The following EPS8L2 variants were observed in gnomAD, a reference collection of about 807,000 sequenced individuals.
EPS8L2 encodes the protein epidermal growth factor receptor kinase substrate 8-like protein 2.
A neutral mutation model predicts 99.4 loss-of-function variants in EPS8L2; 81 were observed. The observed-to-expected ratio is 0.82, with a 90% CI of 0.68 to 0.98. The LOEUF (loss-of-function observed/expected upper bound fraction) is 0.98. EPS8L2 is among the 50% of genes least tolerant of loss of function. The pLI, the probability that EPS8L2 is intolerant of heterozygous loss-of-function variation, is 0.00. For missense variants in EPS8L2, 1,155 were observed against 968.8 expected (o/e 1.19, Z -2.55); for synonymous variants, 509 against 407.3 (o/e 1.25, Z -3.01).
At chr11:707,011 G>T (rs1295734278) in intron 1 of EPS8L2, among the ~76,000 whole-genome samples, 1 of 151,974 alleles carries the variant, frequency 6.6e-6, no homozygotes, top group African/African-American at 2.4e-5. Context: ...GGCAGGGGAG[G>T]GGGAGGCAGG....
chr11:711,595 C>A lies in EPS8L2; in HGVS notation c.165+1109C>A, dbSNP rs1160198508. ...ACTCCTAGGCTCAAGCAATCCTCCC[C>A]CCTCCTAGCCAGGCCTGGTAGTGTG... On this transcript the variant is annotated intron_variant, in intron 4 of 20. Coordinates refer to ENST00000318562, the MANE Select transcript of EPS8L2 (RefSeq NM_022772.4). 2.0e-5 allele frequency among the ~76,000 whole-genome samples: 3 copies of A among 152,164 alleles called. No individual in the cohort carries two copies. The East Asian group carries it at 5.8e-4, about 29-fold the overall frequency.
rs1861951615 is a variant in EPS8L2, at chr11:713,964, C to G, written c.165+3478C>G. Among the ~76,000 whole-genome samples, 3 of 152,232 alleles carry G rather than the reference C, an allele frequency of 2.0e-5. 1 individual carries two copies. The highest frequency in any genetic ancestry group is 2.0e-4 in the Admixed American group (3 of 15,280). On this transcript the variant is annotated intron_variant, in intron 4 of 20. Transcript: ENST00000318562. Reference sequence around the variant, plus strand: ...TGTTGGCCAGGCTGGTCCCCAGTGCCTGACCTCAGGTGATCCACCTGCCTC... The same window carrying G: ...TGTTGGCCAGGCTGGTCCCCAGTGCGTGACCTCAGGTGATCCACCTGCCTC...
At chr11:714,323 G>C (rs936830414) in intron 4 of EPS8L2, among the ~76,000 whole-genome samples, 7 of 151,046 alleles carry the variant, frequency 4.6e-5, no homozygotes, top group Non-Finnish European at 1.0e-4. Context: ...TCCACCTCTT[G>C]GGTTCAAGCA....
At position 724,572 on chromosome 11, in the gene EPS8L2, G is replaced by C. The variant is rs1171336569; in HGVS notation, c.1455-152G>C. ...GCTGTCACAGTTTCCATTCCGGGCTGACGCTGCCTGCAGCCTCTCTCCACG... is the reference window on the plus strand; with the variant it reads ...GCTGTCACAGTTTCCATTCCGGGCTCACGCTGCCTGCAGCCTCTCTCCACG... On this transcript the variant is annotated intron_variant, in intron 15 of 20. Transcript: ENST00000318562. The surrounding 1 kb of genome is among the most constrained non-coding windows in gnomAD (Gnocchi z 5.5). 4 of 622,442 alleles carry C rather than the reference G, an allele frequency of 6.4e-6. No homozygotes were observed. In the African/African-American group the frequency reaches 7.3e-5, roughly 11 times the overall value. The allele number at this position is 622,442 out of a possible 1,614,324, so 38.6% of individuals were successfully genotyped here.
intron 4 of EPS8L2, among the ~76,000 whole-genome samples, chr11:715,047 T>G (rs113320006): frequency 0.03 from 4,620 of 152,072 alleles, 93 homozygotes; most frequent in Middle Eastern, 0.085. Context: ...TCAAGACCAT[T>G]CTGGCTAACA....
At chr11:722,633 T>C (rs1404951826) in intron 13 of EPS8L2, 40 bp from the exon 14 acceptor site, 1 of 1,608,964 alleles carries the variant, frequency 6.2e-7, no homozygotes, top group East Asian at 2.2e-5. Context: ...GTGGGCCAGT[T>C]CTGGAGAGGC....
rs1287506456 is a variant in EPS8L2, at chr11:722,816, C to A, written c.1341+11C>A. 6.5e-7 allele frequency: 1 copy of A among 1,532,004 alleles called. No individual in the cohort carries two copies. The highest frequency in any genetic ancestry group is 1.9e-5 in the Admixed American group (1 of 51,648). 94.9% of individuals were successfully genotyped at this position (1,532,004 alleles called of 1,614,324 possible). On this transcript the variant is annotated intron_variant, in intron 14 of 20. Coordinates refer to ENST00000318562, the MANE Select transcript of EPS8L2 (RefSeq NM_022772.4). The stretch of plus-strand genomic sequence containing the variant: ...GCCCCCATCGAGGAGGTGAGAGCAC[C>A]AGCAGCCCCCATCCCTACCCCAGCC...
At chr11:713,547 A>T (rs1861941492) in intron 4 of EPS8L2, among the ~76,000 whole-genome samples, 1 of 151,752 alleles carries the variant, frequency 6.6e-6, no homozygotes, top group Non-Finnish European at 1.5e-5. Flanking sequence ...ACGCCTGGCT[A>T]AATTTTTTTT....
At chr11:718,481 ATT>A (rs748666010) in intron 4 of EPS8L2, among the ~76,000 whole-genome samples, 25 of 141,012 alleles carry the variant, frequency 1.8e-4, no homozygotes, top group South Asian at 2.3e-4. Flanking sequence ...TGCTTTTTTA[ATT>A]TTTTTTTTTT....
chr11:725,718 CG>C lies in EPS8L2; in HGVS notation c.1561-9del. 7.6e-7 allele frequency: 1 copy of C among 1,315,344 alleles called. No homozygotes were observed. Among genetic ancestry groups the C allele is most frequent in the Non-Finnish European group, 9.7e-7 (1 of 1,034,298 alleles). 81.5% of individuals were successfully genotyped at this position (1,315,344 alleles called of 1,614,324 possible). A position where few individuals can be genotyped will look rare whatever the true frequency, so the allele number is the denominator to read the frequency against. The stretch of plus-strand genomic sequence containing the variant: ...TGGGTGTGGGGAGGGGCTGACGGCG[CG>C]CCCCGCAGGTGCTGGAGGACGGCCG... On this transcript the variant is annotated splice_polypyrimidine_tract_variant and intron_variant, in intron 16 of 20. Coordinates refer to ENST00000318562, the MANE Select transcript of EPS8L2 (RefSeq NM_022772.4).
chr11:717,783 G>A (rs530990493), intron 4 of EPS8L2, among the ~76,000 whole-genome samples: 1 of 152,150 alleles, frequency 6.6e-6, no homozygotes, highest in African/African-American at 2.4e-5. Context: ...GCCGAGGCGG[G>A]CAGATCACAA....
Position 721,221 on chromosome 11 carries a change from T to C in EPS8L2, c.700+15T>C. On this transcript the variant is annotated intron_variant, in intron 8 of 20. Coordinates refer to ENST00000318562, the MANE Select transcript of EPS8L2 (RefSeq NM_022772.4). ...CAGCGAGCCAGGTGGGCCGAGGGGC[T>C]GGAGGGGGCTCCACAGGGCTCGTTG... 1 of 1,533,248 alleles carries C rather than the reference T, an allele frequency of 6.5e-7. No individual in the cohort carries two copies. Among genetic ancestry groups the C allele is most frequent in the Middle Eastern group, 1.8e-4 (1 of 5,514 alleles). 95.0% of individuals were successfully genotyped at this position (1,533,248 alleles called of 1,614,324 possible).
At chr11:714,154 T>A (rs565554203) in intron 4 of EPS8L2, among the ~76,000 whole-genome samples, 9 of 152,350 alleles carry the variant, frequency 5.9e-5, no homozygotes, top group Admixed American at 5.2e-4. Context: ...TTTCTGGAGA[T>A]TTCTTCCGTG....
chr11:726,126 G>T lies in EPS8L2; in HGVS notation c.1709G>T (p.Ser570Ile). 1 of 1,608,378 alleles carries T rather than the reference G, an allele frequency of 6.2e-7. No homozygotes were observed. Among genetic ancestry groups the T allele is most frequent in the Non-Finnish European group, 8.5e-7 (1 of 1,177,830 alleles). Residue 570 changes from serine to isoleucine, a missense_variant, in exon 18 of 21, where the codon AGC (serine) becomes ATC (isoleucine). Transcript: ENST00000318562. ...GGTCAGAAGTACTGGGGCCCCGCCAGCCCGACCCACAAGCTACCCCCAAGC... is the reference window on the plus strand; with the variant it reads ...GGTCAGAAGTACTGGGGCCCCGCCATCCCGACCCACAAGCTACCCCCAAGC... Reference protein sequence around the residue: ...QAGQKYWGPASPTHKLPPSFP... With the variant: ...QAGQKYWGPAIPTHKLPPSFP...
chr11:715,058 T>G (rs143261221), intron 4 of EPS8L2, among the ~76,000 whole-genome samples: 1 of 152,000 alleles, frequency 6.6e-6, no homozygotes, highest in South Asian at 2.1e-4. Flanking sequence ...CTGGCTAACA[T>G]GGTGAAACCC....
In EPS8L2 at chr11:709,602, C is replaced by A; in HGVS notation, c.94C>A (p.Leu32Met). 6.2e-7 allele frequency: 1 copy of A among 1,613,104 alleles called. No individual in the cohort carries two copies. Among genetic ancestry groups the A allele is most frequent in the South Asian group, 1.1e-5 (1 of 91,060 alleles). ...TGTGGCCAAGATGAGCCCCAAGGACCTGTTTGGTGAGTGAGGTTTGAGAAC... is the reference window on the plus strand; with the variant it reads ...TGTGGCCAAGATGAGCCCCAAGGACATGTTTGGTGAGTGAGGTTTGAGAAC... Reference protein sequence around the residue: ...DGVAKMSPKDLFEQRKKYSNS... With the variant: ...DGVAKMSPKDMFEQRKKYSNS... Residue 32 changes from leucine to methionine, a missense_variant, in exon 3 of 21, where the codon CTG (leucine) becomes ATG (methionine). Transcript: ENST00000318562.
At chr11:717,989 G>A (rs1255358560) in intron 4 of EPS8L2, among the ~76,000 whole-genome samples, 7 of 149,838 alleles carry the variant, frequency 4.7e-5, no homozygotes, top group Admixed American at 6.7e-5. Flanking sequence ...AGCCTGGGCA[G>A]CAGAGTGAGA....
chr11:710,914 T>C (rs569776096), intron 4 of EPS8L2, among the ~76,000 whole-genome samples: 1 of 152,266 alleles, frequency 6.6e-6, no homozygotes, highest in African/African-American at 2.4e-5. Context: ...CCCCTCTGGT[T>C]CCAGTCCTGG....
chr11:726,054 C>T (rs1217831570), intron 17 of EPS8L2, 44 bp from the exon 18 acceptor site: 1 of 880,438 alleles, frequency 1.1e-6, no homozygotes, highest in Non-Finnish European at 1.6e-6. Context: ...TGCTGGGAGG[C>T]GGGGGCGGGG....
Sources: allele counts gnomAD v4.1 joint callset (sites outside exome capture counted in the v4.1 genomes callset), GRCh38; gene constraint gnomAD v4.1.1; non-coding constraint Gnocchi (gnomAD v3.1); transcripts MANE v1.5; gene names NCBI Gene and HGNC (gene_info 2026-07-23, HGNC 2026-07-21).